Variants in ERBB4 observed in about 807,000 individuals in gnomAD.
ERBB4 encodes the protein erb-b2 receptor tyrosine kinase 4.
Under a neutral mutation model 158.0 loss-of-function variants are expected in ERBB4, and 42 were observed. The ratio of observed to expected loss-of-function variants is 0.27; its 90% CI spans 0.21 to 0.34. The LOEUF (loss-of-function observed/expected upper bound fraction) is 0.34. Among genes scored for constraint, ERBB4 ranks in the 10% least tolerant of loss-of-function variants. The probability of loss-of-function intolerance (pLI) is 1.00; values close to 1 mark genes in which losing one functional copy is unlikely to be tolerated. For missense variants in ERBB4, 1,333 were observed against 1,624.1 expected, an observed-to-expected ratio of 0.82 and a Z score of 3.08; for synonymous variants, 583 against 558.7, an observed-to-expected ratio of 1.04 and a Z score of -0.61.
chr2:212,215,185 A>G (rs959476427), intron 1 of ERBB4, among the ~76,000 whole-genome samples: 2 of 151,494 alleles, frequency 1.3e-5, no homozygotes, highest in African/African-American at 4.8e-5. Context: ...GTGAAAATTC[A>G]CAGCATTTTA....
At chr2:212,180,654 C>G (rs1051017265) in intron 1 of ERBB4, among the ~76,000 whole-genome samples, 1 of 151,706 alleles carries the variant, frequency 6.6e-6, no homozygotes, top group Non-Finnish European at 1.5e-5. Context: ...TTTCTATCCT[C>G]TAGGACATTT....
chr2:212,173,041 C>A lies in ERBB4; in HGVS notation c.83-48138G>T, dbSNP rs376350642. 1.3e-4 allele frequency among the ~76,000 whole-genome samples: 20 copies of A among 152,102 alleles called. No individual in the cohort carries two copies. The South Asian group carries it at 4.2e-3, about 32-fold the overall frequency. On this transcript the variant is annotated intron_variant, in intron 1 of 27. Transcript: ENST00000342788. ...TTATTATGTGGGAAATATCCAGTTG[C>A]AGAATCATATGTAGAATATGGGTTC...
At chr2:211,721,085 G>A (rs1321497138) in intron 7 of ERBB4, among the ~76,000 whole-genome samples, 1 of 152,098 alleles carries the variant, frequency 6.6e-6, no homozygotes, top group Non-Finnish European at 1.5e-5. Flanking sequence ...TACCACAGTC[G>A]AAAGGGGCTG....
intron 2 of ERBB4, among the ~76,000 whole-genome samples, chr2:212,061,987 G>A (rs1441030013): frequency 3.3e-5 from 5 of 151,594 alleles, no homozygotes; most frequent in African/African-American, 9.7e-5. Context: ...CACCTGCCTC[G>A]GCCTCCCAAA....
chr2:211,935,763 A>G (rs1252382786), intron 3 of ERBB4, among the ~76,000 whole-genome samples: 2 of 152,160 alleles, frequency 1.3e-5, no homozygotes, highest in East Asian at 3.8e-4. Context: ...CGTTATCTGT[A>G]TCTATATCCT....
In ERBB4 at chr2:211,895,598, G is replaced by A. The variant is rs371945316; in HGVS notation, c.421+51832C>T. 4.1e-4 allele frequency among the ~76,000 whole-genome samples: 62 copies of A among 152,020 alleles called. 2 individuals carry two copies. In the South Asian group the frequency reaches 0.012, roughly 30 times the overall value. Reference sequence around the variant, plus strand: ...TATTATCAATTGCTCCCCCTCTATGGACTCTTTAGACAACAGCATACAGGT... The same window carrying A: ...TATTATCAATTGCTCCCCCTCTATGAACTCTTTAGACAACAGCATACAGGT... On this transcript the variant is annotated intron_variant, in intron 3 of 27. Coordinates refer to ENST00000342788, the MANE Select transcript of ERBB4 (RefSeq NM_005235.3).
intron 19 of ERBB4, among the ~76,000 whole-genome samples, chr2:211,578,143 C>G (rs990242198): frequency 1.2e-4 from 18 of 152,048 alleles, no homozygotes; most frequent in African/African-American, 4.3e-4. Context: ...GTCACAAGCA[C>G]TCCTATACAC....
chr2:211,680,346 A>G (rs1228252610), intron 12 of ERBB4, among the ~76,000 whole-genome samples: 3 of 152,190 alleles, frequency 2.0e-5, no homozygotes, highest in African/African-American at 7.2e-5. Context: ...AATACTTCAA[A>G]TGTTATCCTG....
chr2:212,383,634 T>G (rs1480850941), intron 1 of ERBB4, among the ~76,000 whole-genome samples: 1 of 151,580 alleles, frequency 6.6e-6, no homozygotes, highest in Non-Finnish European at 1.5e-5. Flanking sequence ...AACATTTAGA[T>G]GTTAAATCTG....
chr2:212,203,462 G>A (rs143107020), intron 1 of ERBB4, among the ~76,000 whole-genome samples: 130 of 152,292 alleles, frequency 8.5e-4, no homozygotes, highest in African/African-American at 2.9e-3. Flanking sequence ...CCCAGGTCAC[G>A]TAGAAACTTT....
intron 3 of ERBB4, among the ~76,000 whole-genome samples, chr2:211,861,095 A>ATTTT (rs1559585744): frequency 0.022 from 767 of 35,008 alleles, 88 homozygotes; most frequent in Non-Finnish European, 0.031. Flanking sequence ...AAAATATATA[A>ATTTT]ATACATTATA....
At chr2:211,863,568 G>A (rs547866502) in intron 3 of ERBB4, among the ~76,000 whole-genome samples, 29 of 152,228 alleles carry the variant, frequency 1.9e-4, no homozygotes, top group East Asian at 1.2e-3. Flanking sequence ...TACTCCAGAC[G>A]TGCCACCTTT....
rs557829183 is a variant in ERBB4 at position 211,382,315 on chromosome 2, G to C, written c.*1300C>G. On this transcript the variant is annotated 3_prime_UTR_variant, in exon 28 of 28. Coordinates refer to ENST00000342788, the MANE Select transcript of ERBB4 (RefSeq NM_005235.3). ...GAACAAATTTCCTTGCGTAGCAAAG[G>C]TGACATATGAAGATAATGTGCTGGC... 3.4e-5 allele frequency: 8 copies of C among 232,382 alleles called. No individual in the cohort carries two copies. Among genetic ancestry groups the C allele is most frequent in the Non-Finnish European group, 6.8e-5 (8 of 117,528 alleles). The allele number at this position is 232,382 out of a possible 1,614,324, so 14.4% of individuals were successfully genotyped here.
In ERBB4 at chr2:211,739,270, A is replaced by T. The variant is rs796561802; in HGVS notation, c.622+11369T>A. ...AATAATCTATGCTTTTGTCATTTTT[A>T]AAAAATGTCACCTTTGTAAAAACTA... On this transcript the variant is annotated intron_variant, in intron 5 of 27. Coordinates refer to ENST00000342788, the MANE Select transcript of ERBB4 (RefSeq NM_005235.3). Among the ~76,000 whole-genome samples the T allele has an allele frequency of 4.9e-4, 74 of 151,486 alleles. 2 individuals are homozygous for T. Among genetic ancestry groups the T allele is most frequent in the African/African-American group, 1.7e-3 (70 of 41,538 alleles).
At chr2:211,720,266 C>A (rs1217472275) in intron 7 of ERBB4, among the ~76,000 whole-genome samples, 1 of 152,206 alleles carries the variant, frequency 6.6e-6, no homozygotes, top group Non-Finnish European at 1.5e-5. Context: ...TTAGCACATT[C>A]CAGCCCAGTC....
intron 1 of ERBB4, among the ~76,000 whole-genome samples, chr2:212,312,481 G>A (rs1304399269): frequency 6.6e-6 from 1 of 150,772 alleles, no homozygotes; most frequent in African/African-American, 2.4e-5. Flanking sequence ...CATTAATTTA[G>A]TGCACTAAAA....
chr2:211,507,302 T>C (rs1037989455), intron 20 of ERBB4, among the ~76,000 whole-genome samples: 15 of 152,166 alleles, frequency 9.9e-5, no homozygotes, highest in African/African-American at 3.6e-4. Flanking sequence ...CTAGTACCTG[T>C]CCTACTGAAA....
At chr2:212,102,957 G>A (rs1156819843) in intron 2 of ERBB4, among the ~76,000 whole-genome samples, 1 of 152,044 alleles carries the variant, frequency 6.6e-6, no homozygotes, top group African/African-American at 2.4e-5. Flanking sequence ...TAACTAACCA[G>A]TATTTCTACT....
chr2:211,424,257 C>T lies in ERBB4; in HGVS notation c.2764G>A (p.Asp922Asn). Residue 922 changes from aspartate (D) to asparagine (N), a missense_variant, in exon 23 of 28, where the codon GAT becomes AAT. Physicochemically the swap from Asp to Asn is conservative, Grantham distance 23 (BLOSUM62 1). Transcript: ENST00000342788. ...GGGATTTCTCGCGTTGGAATTCCATCATAGGGTTTTCCTCCAAAGGTCATC... is the reference window on the plus strand; with the variant it reads ...GGGATTTCTCGCGTTGGAATTCCATTATAGGGTTTTCCTCCAAAGGTCATC... ...ELMTFGGKPY[D>N]GIPTREIPDL... The T allele has an allele frequency of 6.2e-7, 1 of 1,613,114 alleles. No homozygotes were observed. Among genetic ancestry groups the T allele is most frequent in the Non-Finnish European group, 8.5e-7 (1 of 1,179,378 alleles).
Sources: allele counts gnomAD v4.1 joint callset (sites outside exome capture counted in the v4.1 genomes callset), GRCh38; gene constraint gnomAD v4.1.1; transcripts MANE v1.5; gene names NCBI Gene and HGNC (gene_info 2026-07-23, HGNC 2026-07-21).